The following SDK1 variants were observed in gnomAD, a reference collection of about 807,000 sequenced individuals.
SDK1 encodes the protein protein sidekick-1.
Under a neutral mutation model 245.5 loss-of-function variants are expected in SDK1, and 157 were observed. The observed-to-expected ratio is 0.64, with a 90% CI of 0.56 to 0.73. SDK1 has a LOEUF of 0.73. Among genes scored for constraint, SDK1 ranks in the 30% least tolerant of loss-of-function variants. The probability of loss-of-function intolerance (pLI) is 0.00; values close to 1 mark genes in which losing one functional copy is unlikely to be tolerated. For missense variants in SDK1, 3,583 were observed against 3,002.3 expected, an observed-to-expected ratio of 1.19 and a Z score of -4.52; for synonymous variants, 1,647 against 1,278.5, an observed-to-expected ratio of 1.29 and a Z score of -6.15.
At position 4,035,679 on chromosome 7, in the gene SDK1, G is replaced by A. The variant is rs181314627; in HGVS notation, c.2603-13669G>A. ...TTACCTTTTAAAACTTAACCTAGTGGCACTGAGCTTCCTAGTAACAGAAAA... is the reference window on the plus strand; with the variant it reads ...TTACCTTTTAAAACTTAACCTAGTGACACTGAGCTTCCTAGTAACAGAAAA... On this transcript the variant is annotated intron_variant, in intron 17 of 44. Coordinates refer to ENST00000404826, the MANE Select transcript of SDK1 (RefSeq NM_152744.4). Among the ~76,000 whole-genome samples, 8 of 152,288 alleles carry A rather than the reference G, an allele frequency of 5.3e-5. No homozygotes were observed. In the East Asian group the frequency reaches 1.4e-3, roughly 26 times the overall value.
chr7:4,001,832 C>A (rs1785100203), intron 14 of SDK1, among the ~76,000 whole-genome samples: 1 of 152,220 alleles, frequency 6.6e-6, no homozygotes, highest in South Asian at 2.1e-4. Flanking sequence ...CTTTCTCAGG[C>A]GTCCTCAGTG....
intron 4 of SDK1, among the ~76,000 whole-genome samples, chr7:3,784,435 G>GA (rs1276109722): frequency 1.3e-5 from 2 of 151,672 alleles, no homozygotes; most frequent in African/African-American, 4.8e-5. Flanking sequence ...TACAGAGTAA[G>GA]AAAAAATATT....
At chr7:4,254,095 C>G (rs150840131) in intron 44 of SDK1, among the ~76,000 whole-genome samples, 6 of 152,144 alleles carry the variant, frequency 3.9e-5, no homozygotes, top group Non-Finnish European at 7.4e-5. Context: ...TCTTCCTTTT[C>G]TTTTTGTGCT....
intron 37 of SDK1, among the ~76,000 whole-genome samples, chr7:4,209,075 C>T (rs967038179): frequency 6.6e-6 from 1 of 152,226 alleles, no homozygotes; most frequent in African/African-American, 2.4e-5. Context: ...ACAATGGACT[C>T]CGGGAATCAG....
At chr7:3,431,457 G>A (rs1779845611) in intron 1 of SDK1, among the ~76,000 whole-genome samples, 1 of 148,218 alleles carries the variant, frequency 6.7e-6, no homozygotes, top group Non-Finnish European at 1.5e-5. Context: ...GAAAACATAT[G>A]CATTGGTGTG....
intron 5 of SDK1, among the ~76,000 whole-genome samples, chr7:3,890,996 GC>G (rs1781445351): frequency 6.6e-6 from 1 of 152,176 alleles, no homozygotes; most frequent in Non-Finnish European, 1.5e-5. Flanking sequence ...GCCCAACCAG[GC>G]CAGCCTAACC....
At chr7:3,823,387 G>A (rs1334079103) in intron 5 of SDK1, among the ~76,000 whole-genome samples, 1 of 152,132 alleles carries the variant, frequency 6.6e-6, no homozygotes, top group Non-Finnish European at 1.5e-5. Context: ...AAACAAGGAA[G>A]TTGGCCTTCC....
intron 4 of SDK1, among the ~76,000 whole-genome samples, chr7:3,670,854 G>A (rs1783680026): frequency 6.6e-6 from 1 of 152,170 alleles, no homozygotes; most frequent in Non-Finnish European, 1.5e-5. Context: ...ACTGGTTTGT[G>A]AAATAAATTA....
chr7:4,174,350 G>A lies in SDK1; in HGVS notation c.4929G>A (p.Glu1643=). 1 of 1,613,790 alleles carries A rather than the reference G, an allele frequency of 6.2e-7. No homozygotes were observed. Among genetic ancestry groups the A allele is most frequent in the Non-Finnish European group, 8.5e-7 (1 of 1,179,730 alleles). The stretch of plus-strand genomic sequence containing the variant: ...AAAACCCTATAGCTTTACATGCTGA[G>A]CTCACAGGTGAGACTGTCCCCTCTG... ...TLKNPIALHA[E]LTAQSSFKTV... Residue 1643 remains glutamate, a synonymous_variant, in exon 33 of 45, where the codon GAG becomes GAA. Transcript: ENST00000404826.
rs1208867913 is a variant in SDK1 at position 3,710,534 on chromosome 7, G to T, written c.713+68429G>T. ...TTAGGGAAAAATCTCCTGTTTTCAT[G>T]CTTGACAGTGTAGTTTCTCGTAGTT... On this transcript the variant is annotated intron_variant, in intron 4 of 44. Transcript: ENST00000404826. Among the ~76,000 whole-genome samples the T allele has an allele frequency of 2.0e-5, 3 of 152,248 alleles. No homozygotes were observed. In the Middle Eastern group the frequency reaches 0.01, roughly 521 times the overall value.
chr7:3,434,406 C>T (rs976467568), intron 1 of SDK1, among the ~76,000 whole-genome samples: 15 of 152,166 alleles, frequency 9.9e-5, no homozygotes, highest in African/African-American at 3.1e-4. Flanking sequence ...ATGTGCCCTA[C>T]GCCACTGTGG....
chr7:3,879,634 C>T (rs1241700500), intron 5 of SDK1, among the ~76,000 whole-genome samples: 5 of 152,166 alleles, frequency 3.3e-5, no homozygotes, highest in Admixed American at 1.3e-4. Context: ...CCAGGATGGA[C>T]ACCCAGTTTA....
chr7:3,694,950 A>T (rs1784532250), intron 4 of SDK1, among the ~76,000 whole-genome samples: 2 of 152,208 alleles, frequency 1.3e-5, no homozygotes, highest in South Asian at 4.1e-4. Context: ...AATTTCTTCA[A>T]GTGTCTTCTT....
chr7:3,388,370 A>G (rs927058867), intron 1 of SDK1, among the ~76,000 whole-genome samples: 1 of 151,496 alleles, frequency 6.6e-6, no homozygotes, highest in African/African-American at 2.4e-5. Flanking sequence ...CATCTGTCAA[A>G]CGCTATGTGA....
intron 32 of SDK1, among the ~76,000 whole-genome samples, chr7:4,170,547 C>T (rs1019163387): frequency 3.3e-5 from 5 of 152,184 alleles, no homozygotes; most frequent in Non-Finnish European, 2.9e-5. Context: ...ATTTCCACCA[C>T]GCCCCCACAT....
At chr7:3,444,309 T>A (rs1780282553) in intron 1 of SDK1, among the ~76,000 whole-genome samples, 1 of 152,218 alleles carries the variant, frequency 6.6e-6, no homozygotes. Context: ...CTTGGATGTC[T>A]ACCAGACATC....
chr7:3,848,377 G>T (rs1446685284), intron 5 of SDK1, among the ~76,000 whole-genome samples: 1 of 152,148 alleles, frequency 6.6e-6, no homozygotes, highest in Non-Finnish European at 1.5e-5. Flanking sequence ...TGACAGTCCT[G>T]TCTTCCTTAC....
chr7:3,448,936 G>A (rs923440491), intron 1 of SDK1, among the ~76,000 whole-genome samples: 8 of 152,172 alleles, frequency 5.3e-5, no homozygotes, highest in East Asian at 1.9e-4. Flanking sequence ...TTATTCCTGC[G>A]AACAAATTCA....
At chr7:4,193,367 A>G in intron 35 of SDK1, among the ~76,000 whole-genome samples, 1 of 78,132 alleles carries the variant, frequency 1.3e-5, no homozygotes, top group African/African-American at 6.0e-5. Context: ...TATATATTAA[A>G]ATATTTATAT....
Sources: gnomAD v4.1 joint callset for allele counts (sites outside exome capture counted in the v4.1 genomes callset) on GRCh38, gnomAD v4.1.1 for gene constraint, MANE v1.5 for transcripts, NCBI Gene and HGNC (gene_info 2026-07-23, HGNC 2026-07-21) for gene names.